Variants in PCLO observed in about 807,000 individuals in gnomAD.
PCLO encodes the protein piccolo presynaptic cytomatrix protein.
PCLO carries 82 observed loss-of-function variants against 427.5 expected under a neutral mutation model. The observed-to-expected ratio is 0.19, with a 90% CI of 0.16 to 0.23. The LOEUF (loss-of-function observed/expected upper bound fraction) is 0.23. Among genes scored for constraint, PCLO ranks in the 10% least tolerant of loss-of-function variants. The pLI is 1.00. For synonymous variants in PCLO, 2,357 were observed against 2,155.4 expected (o/e 1.09, Z -2.59); for missense variants, 6,239 against 6,115.9 (o/e 1.02, Z -0.67).
At chr7:82,846,251 C>G (rs1792498772) in intron 12 of PCLO, among the ~76,000 whole-genome samples, 1 of 151,946 alleles carries the variant, frequency 6.6e-6, no homozygotes, top group Non-Finnish European at 1.5e-5. Flanking sequence ...TGAAATGGCT[C>G]CAAGCATTAC....
chr7:83,119,163 T>A (rs917215197), intron 3 of PCLO, among the ~76,000 whole-genome samples: 25 of 152,116 alleles, frequency 1.6e-4, no homozygotes, highest in Non-Finnish European at 2.5e-4. Context: ...AAGCCTTGAA[T>A]AAACGTCAGT....
In PCLO at chr7:82,950,439, C is replaced by T. The variant is rs149116161; in HGVS notation, c.10149G>A (p.Gln3383=). Reference sequence around the variant, plus strand: ...TCAGGATACCAGGTGGGGCAATGTACTGAGTAACACCATCAGACTGAACGG... The same window carrying T: ...TCAGGATACCAGGTGGGGCAATGTATTGAGTAACACCATCAGACTGAACGG... The part of the protein sequence containing the change: ...WYTVQSDGVT[Q]YIAPPGILST... Residue 3383 remains glutamine (Q), a synonymous_variant, in exon 6 of 25, where the codon CAG becomes CAA. Coordinates refer to ENST00000333891, the MANE Select transcript of PCLO (RefSeq NM_033026.6). The T allele has an allele frequency of 4.0e-5, 64 of 1,613,714 alleles. No homozygotes were observed. In the African/African-American group the frequency reaches 7.5e-4, roughly 19 times the overall value.
chr7:82,897,865 T>C (rs963982989), intron 9 of PCLO, among the ~76,000 whole-genome samples: 1 of 151,382 alleles, frequency 6.6e-6, no homozygotes, highest in Non-Finnish European at 1.5e-5. Flanking sequence ...AAACTTTTGG[T>C]TTGGGGAAAC....
chr7:83,156,561 CTTTT>C (rs571082985), intron 1 of PCLO, among the ~76,000 whole-genome samples, 169 bp from the exon 2 acceptor site: 6 of 151,150 alleles, frequency 4.0e-5, no homozygotes, highest in African/African-American at 1.5e-4. Context: ...AGTTTTAATG[CTTTT>C]TTTTCTTTCT....
At chr7:83,039,523 A>G (rs897401526) in intron 3 of PCLO, among the ~76,000 whole-genome samples, 1 of 152,132 alleles carries the variant, frequency 6.6e-6, no homozygotes, top group Non-Finnish European at 1.5e-5. Flanking sequence ...GACCATAGGT[A>G]CATGGGTTTA....
intron 20 of PCLO, among the ~76,000 whole-genome samples, chr7:82,815,160 TTTTATCATAAA>T (rs1791651666): frequency 4.6e-5 from 7 of 152,008 alleles, no homozygotes; most frequent in Non-Finnish European, 1.0e-4. Context: ...TAAAAATATA[TTTTATCATAAA>T]ATCTTGTCTA....
At chr7:82,821,420 A>G (rs1347379143) in intron 20 of PCLO, 1 of 985,724 alleles carries the variant, frequency 1.0e-6, no homozygotes, top group Middle Eastern at 5.2e-4. Flanking sequence ...TTCAAATGCC[A>G]AAATGACACC....
intron 10 of PCLO, among the ~76,000 whole-genome samples, chr7:82,852,966 G>A (rs1449441719): frequency 1.3e-5 from 2 of 151,912 alleles, no homozygotes; most frequent in Admixed American, 6.6e-5. Flanking sequence ...GTGAGAACAC[G>A]CAATATTTTA....
chr7:83,022,014 G>A (rs937293755), intron 3 of PCLO, among the ~76,000 whole-genome samples: 10 of 152,274 alleles, frequency 6.6e-5, no homozygotes, highest in East Asian at 1.9e-4. Context: ...GAATGTATGT[G>A]TTCCTCCAAA....
chr7:83,106,690 T>C (rs1790865691), intron 3 of PCLO, among the ~76,000 whole-genome samples: 1 of 151,714 alleles, frequency 6.6e-6, no homozygotes, highest in African/African-American at 2.4e-5. Flanking sequence ...AAAAGGAAAA[T>C]ATAAGTATGT....
intron 3 of PCLO, among the ~76,000 whole-genome samples, chr7:83,077,332 C>T (rs986872044): frequency 6.6e-6 from 1 of 152,064 alleles, no homozygotes; most frequent in Non-Finnish European, 1.5e-5. Flanking sequence ...TAGTCATTAA[C>T]AATAGGATTC....
At chr7:83,081,837 T>C (rs1261621961) in intron 3 of PCLO, among the ~76,000 whole-genome samples, 2 of 151,738 alleles carry the variant, frequency 1.3e-5, no homozygotes, top group Non-Finnish European at 3.0e-5. Context: ...GATTCAAAGC[T>C]TAAGAAAAAG....
chr7:82,951,009 T>C lies in PCLO; in HGVS notation c.9579A>G (p.Glu3193=), dbSNP rs1795330824. 6.2e-7 allele frequency: 1 copy of C among 1,613,696 alleles called. No individual in the cohort carries two copies. Among genetic ancestry groups the C allele is most frequent in the African/African-American group, 1.3e-5 (1 of 74,918 alleles). The part of the protein sequence containing the change: ...TLTTASEVFP[E]VVGDESALLI... ...AAAGAGCACTTTCATCTCCCACCACTTCAGGAAACACTTCGGATGCTGTGG... is the reference window on the plus strand; with the variant it reads ...AAAGAGCACTTTCATCTCCCACCACCTCAGGAAACACTTCGGATGCTGTGG... The change falls in exon 6 of 25, where the codon GAA becomes GAG. Residue 3193 remains glutamate, a synonymous_variant. Transcript: ENST00000333891.
At chr7:83,095,958 TA>T (rs781781710) in intron 3 of PCLO, among the ~76,000 whole-genome samples, 4 of 152,068 alleles carry the variant, frequency 2.6e-5, no homozygotes, top group Non-Finnish European at 5.9e-5. Flanking sequence ...AACTTACAAA[TA>T]ATTTTTTTCT....
chr7:82,808,083 G>T (rs1791492537), intron 20 of PCLO, among the ~76,000 whole-genome samples: 3 of 151,856 alleles, frequency 2.0e-5, no homozygotes, highest in African/African-American at 2.4e-5. Context: ...AGTCAGATTA[G>T]TCAATTGATT....
chr7:83,065,234 T>C (rs1363435811), intron 3 of PCLO, among the ~76,000 whole-genome samples: 2 of 152,036 alleles, frequency 1.3e-5, no homozygotes, highest in African/African-American at 2.4e-5. Context: ...CCATATTTGC[T>C]CTTTTAAAAT....
chr7:82,838,716 CT>C (rs1792290998), intron 14 of PCLO, among the ~76,000 whole-genome samples: 1 of 151,788 alleles, frequency 6.6e-6, no homozygotes, highest in African/African-American at 2.4e-5. Flanking sequence ...AAGAAATTAA[CT>C]AATTGGTAAA....
chr7:82,777,578 C>A (rs537232421), intron 22 of PCLO, among the ~76,000 whole-genome samples: 1 of 152,094 alleles, frequency 6.6e-6, no homozygotes, highest in East Asian at 1.9e-4. Context: ...GAATAGAGAG[C>A]CCAGAAATAA....
rs1795450651 is a variant in PCLO at position 82,954,347 on chromosome 7, G to A, written c.6606C>T (p.Thr2202=). The A allele has an allele frequency of 6.2e-7, 1 of 1,613,642 alleles. No individual in the cohort carries two copies. Among genetic ancestry groups the A allele is most frequent in the African/African-American group, 1.3e-5 (1 of 74,880 alleles). Reference sequence around the variant, plus strand: ...TATAAACTGTGGTTATGCTATCCAGGGTAGTAATGGGTGAAGAGCTATCTG... The same window carrying A: ...TATAAACTGTGGTTATGCTATCCAGAGTAGTAATGGGTGAAGAGCTATCTG... ...CTTDSSSPIT[T]LDSITTVYTE... is the part of the protein sequence containing the mutation. The change falls in exon 5 of 25, where the codon ACC becomes ACT. Residue 2202 remains threonine, a synonymous_variant. Transcript: ENST00000333891.
Sources: allele counts gnomAD v4.1 joint callset (sites outside exome capture counted in the v4.1 genomes callset), GRCh38; gene constraint gnomAD v4.1.1; transcripts MANE v1.5; gene names NCBI Gene and HGNC (gene_info 2026-07-23, HGNC 2026-07-21).